The following CCDC33 variants were observed in gnomAD, a reference collection of about 807,000 sequenced individuals.
CCDC33 encodes the protein coiled-coil domain-containing protein 33.
CCDC33 carries 94 observed loss-of-function variants against 91.9 expected under a neutral mutation model. The ratio of observed to expected loss-of-function variants is 1.02; its 90% CI spans 0.87 to 1.21. The LOEUF (loss-of-function observed/expected upper bound fraction) is 1.21. Ranked by LOEUF, CCDC33 falls within the 50% of genes most tolerant of loss-of-function variation. The probability of loss-of-function intolerance (pLI) is 0.00; values close to 1 mark genes in which losing one functional copy is unlikely to be tolerated. For missense variants in CCDC33, 940 were observed against 935.5 expected (o/e 1.00, Z -0.06); for synonymous variants, 396 against 374.5 (o/e 1.06, Z -0.66).
intron 11 of CCDC33, among the ~76,000 whole-genome samples, chr15:74,314,309 C>T (rs937431247): frequency 1.3e-5 from 2 of 152,230 alleles, no homozygotes. Context: ...TCTCCAGTGC[C>T]CACCACAGGG....
chr15:74,308,000 A>G (rs1158947966), intron 11 of CCDC33, among the ~76,000 whole-genome samples: 3 of 151,152 alleles, frequency 2.0e-5, no homozygotes, highest in African/African-American at 4.9e-5. Context: ...TGCCACCTTC[A>G]GGAGGACAGG....
rs147149044 is a variant in CCDC33, at chr15:74,204,803, C to T, written n.89+1705C>T. Among the ~76,000 whole-genome samples, 114 of 152,238 alleles carry T rather than the reference C, an allele frequency of 7.5e-4. No individual in the cohort carries two copies. In the East Asian group the frequency reaches 9.1e-3, roughly 12 times the overall value. On this transcript the variant is annotated intron_variant and non_coding_transcript_variant, in intron 1 of 3. Transcript: ENST00000558645. ...ACAAAAAATTAGCCGGACGTGGTGGCGCACACCTGTAATCCCAGCTACTAG... is the reference window on the plus strand; with the variant it reads ...ACAAAAAATTAGCCGGACGTGGTGGTGCACACCTGTAATCCCAGCTACTAG...
upstream of CCDC33, chr15:74,217,135 TG>T: frequency 2.0e-6 from 1 of 507,648 alleles, no homozygotes; most frequent in Non-Finnish European, 2.9e-6. Context: ...CCTTGTTACC[TG>T]GTTTCTCCTC....
upstream of CCDC33, among the ~76,000 whole-genome samples, chr15:74,234,759 G>C (rs1460755065): frequency 6.6e-6 from 1 of 152,248 alleles, no homozygotes; most frequent in Non-Finnish European, 1.5e-5. Context: ...CCGAGCCCCG[G>C]GGACTGAGGC....
intron 7 of CCDC33, among the ~76,000 whole-genome samples, chr15:74,278,064 C>G (rs1424834543): frequency 6.6e-6 from 1 of 152,232 alleles, no homozygotes; most frequent in Non-Finnish European, 1.5e-5. Context: ...GAAGTCAGAA[C>G]CAACTTCTCT....
chr15:74,209,859 C>T (rs960504132), intron 2 of CCDC33, among the ~76,000 whole-genome samples: 2 of 152,140 alleles, frequency 1.3e-5, no homozygotes, highest in South Asian at 2.1e-4. Flanking sequence ...GGCCAAGAAG[C>T]GGGGCCCTAA....
chr15:74,207,354 A>G (rs1438747458), intron 1 of CCDC33, among the ~76,000 whole-genome samples: 2 of 152,126 alleles, frequency 1.3e-5, no homozygotes, highest in Non-Finnish European at 2.9e-5. Flanking sequence ...GTAATGCCAT[A>G]AGAAGCCCTG....
intron 1 of CCDC33, chr15:74,203,165 C>G: frequency 1.0e-6 from 1 of 985,496 alleles, no homozygotes; most frequent in Non-Finnish European, 1.2e-6. Context: ...GTTTCTTCTC[C>G]TAGGGTTTCC....
intron 7 of CCDC33, among the ~76,000 whole-genome samples, chr15:74,273,806 C>A (rs1179174409): frequency 6.9e-6 from 1 of 144,978 alleles, no homozygotes; most frequent in Non-Finnish European, 1.5e-5. Context: ...GATGTAAAGC[C>A]TGGATTAGGG....
chr15:74,246,493 T>C (rs898427174), intron 2 of CCDC33, among the ~76,000 whole-genome samples: 4 of 152,144 alleles, frequency 2.6e-5, no homozygotes, highest in Non-Finnish European at 4.4e-5. Context: ...AGTAACCCAA[T>C]TTAAAAAATG....
chr15:74,302,605 G>A (rs960422915), intron 11 of CCDC33: 2 of 152,278 alleles, frequency 1.3e-5, no homozygotes, highest in Non-Finnish European at 2.9e-5. Flanking sequence ...GCATGGCCCT[G>A]GGGTGACCAC....
chr15:74,270,674 G>C (rs1227985353), intron 5 of CCDC33, among the ~76,000 whole-genome samples: 1 of 152,084 alleles, frequency 6.6e-6, no homozygotes, highest in Non-Finnish European at 1.5e-5. Context: ...GTGGATACAG[G>C]GTGAGGGTCA....
At chr15:74,332,552 G>T in intron 15 of CCDC33, 127 bp from the exon 16 acceptor site, 1 of 929,414 alleles carries the variant, frequency 1.1e-6, no homozygotes, top group Non-Finnish European at 1.7e-6. Flanking sequence ...TGGTGGTAGG[G>T]AGCCATTGAA....
chr15:74,217,373 C>T (rs2074471256), exon 1 of CCDC33: 19 of 1,289,856 alleles, frequency 1.5e-5, no homozygotes, highest in African/African-American at 3.0e-5. Flanking sequence ...AAGTTTTGAG[C>T]GTGGGGTTTA....
chr15:74,320,402 C>G (rs538481331), intron 11 of CCDC33, among the ~76,000 whole-genome samples: 1 of 152,268 alleles, frequency 6.6e-6, no homozygotes, highest in Non-Finnish European at 1.5e-5. Flanking sequence ...ATCCCCTCCC[C>G]AACCCTACCC....
chr15:74,334,122 A>G (rs1472027349), intron 17 of CCDC33, among the ~76,000 whole-genome samples, 155 bp downstream of exon 17: 2 of 152,226 alleles, frequency 1.3e-5, no homozygotes, highest in Non-Finnish European at 2.9e-5. Flanking sequence ...AACCAGGGTC[A>G]GGGCTCAGTG....
Position 74,295,887 on chromosome 15 carries a change from G to C in CCDC33, c.1229G>C (p.Ser410Thr), listed in dbSNP as rs978859153. 7 of 1,614,026 alleles carry C rather than the reference G, an allele frequency of 4.3e-6. No homozygotes were observed. The African/African-American group carries it at 9.3e-5, about 22-fold the overall frequency. The change falls in exon 11 of 19, where the codon AGC becomes ACC. Residue 410 changes from serine to threonine, a missense_variant. By Grantham distance (58) the Ser-to-Thr change is moderately conservative. Transcript: ENST00000398814. ...ACAGTGAGCTCCACAATGGACTTGA[G>C]CACGTCCACTCCACGAGAAGCAGAG... is the stretch of plus-strand genomic sequence containing the variant. The part of the protein sequence containing the change: ...KDTVSSTMDL[S>T]TSTPREAEEE...
At chr15:74,219,993 T>A (rs2074548088) in intron 2 of CCDC33, among the ~76,000 whole-genome samples, 1 of 152,008 alleles carries the variant, frequency 6.6e-6, no homozygotes, top group African/African-American at 2.4e-5. Context: ...GGAGCCCAGG[T>A]GGTGGACTGT....
intron 6 of CCDC33, 83 bp from the exon 7 acceptor site, chr15:74,272,688 C>T (rs1299169051): frequency 3.2e-6 from 5 of 1,553,462 alleles, no homozygotes; most frequent in East Asian, 4.5e-5. Context: ...CTTGCATCAA[C>T]CCAGAGTCTA....
Sources: allele counts gnomAD v4.1 joint callset (sites outside exome capture counted in the v4.1 genomes callset), GRCh38; gene constraint gnomAD v4.1.1; transcripts MANE v1.5; gene names NCBI Gene and HGNC (gene_info 2026-07-23, HGNC 2026-07-21).